The following PIGN variants were observed in gnomAD, a reference collection of about 807,000 sequenced individuals.
PIGN encodes phosphatidylinositol glycan anchor biosynthesis class N.
A neutral mutation model predicts 125.4 loss-of-function variants in PIGN; 117 were observed. The observed-to-expected ratio is 0.93, with a 90% CI of 0.80 to 1.09. PIGN has a LOEUF of 1.09. PIGN is among the 50% of genes least tolerant of loss of function. PIGN has a pLI of 0.00. For missense variants in PIGN, 1,075 were observed against 1,094.9 expected, an observed-to-expected ratio of 0.98 and a Z score of 0.26; for synonymous variants, 392 against 377.8, an observed-to-expected ratio of 1.04 and a Z score of -0.44.
At chr18:62,106,055 T>C (rs2034626304) in intron 19 of PIGN, among the ~76,000 whole-genome samples, 1 of 152,188 alleles carries the variant, frequency 6.6e-6, no homozygotes, top group South Asian at 2.1e-4. Context: ...TTAGACCATA[T>C]ATTGATGAAG....
intron 30 of PIGN, among the ~76,000 whole-genome samples, chr18:62,064,990 G>A (rs2032419357): frequency 6.6e-6 from 1 of 152,156 alleles, no homozygotes; most frequent in Admixed American, 6.5e-5. Context: ...ATTAAAGATT[G>A]CAGAAGGGAT....
chr18:62,140,596 T>C lies in PIGN; in HGVS notation c.964-117A>G, dbSNP rs141705171. 6.4e-3 allele frequency: 3,395 copies of C among 529,634 alleles called. 21 individuals carry two copies. The highest frequency in any genetic ancestry group is 9.2e-3 in the Non-Finnish European group (2,684 of 290,776). The allele number at this position is 529,634 out of a possible 1,614,324, so 32.8% of individuals were successfully genotyped here. A position where few individuals can be genotyped will look rare whatever the true frequency, so the allele number is the denominator to read the frequency against. On this transcript the variant is annotated intron_variant, in intron 11 of 30. Coordinates refer to ENST00000640252, the MANE Select transcript of PIGN (RefSeq NM_176787.5). ...TGATATTTGTTATAATCAGTTACCT[T>C]CAAACATGTATTTAATAAAAAAGAT... is the stretch of plus-strand genomic sequence containing the variant.
At chr18:62,140,328 A>T in intron 12 of PIGN, 92 bp downstream of exon 12, 1 of 582,820 alleles carries the variant, frequency 1.7e-6, no homozygotes, top group Non-Finnish European at 3.0e-6. Context: ...AAAAAAACCC[A>T]GATTATTCAG....
intron 28 of PIGN, chr18:62,075,106 A>C: frequency 3.6e-6 from 1 of 276,632 alleles, no homozygotes; most frequent in Non-Finnish European, 6.9e-6. Flanking sequence ...ATTGTTAACT[A>C]ATATGCAATT....
At chr18:62,180,156 T>C (rs115371720) in intron 1 of PIGN, among the ~76,000 whole-genome samples, 6,678 of 152,278 alleles carry the variant, frequency 0.044, 174 homozygotes, top group Middle Eastern at 0.071. Context: ...CAATTAGCCT[T>C]CTTTCCTTTT....
intron 28 of PIGN, among the ~76,000 whole-genome samples, chr18:62,077,960 T>TAAACACA (rs1490427433): frequency 6.6e-6 from 1 of 152,214 alleles, no homozygotes; most frequent in Non-Finnish European, 1.5e-5. Flanking sequence ...ATCTCTTCTG[T>TAAACACA]GTTTGACTGT....
chr18:62,061,653 C>G (rs1358726401), intron 30 of PIGN, among the ~76,000 whole-genome samples: 2 of 151,870 alleles, frequency 1.3e-5, no homozygotes, highest in African/African-American at 4.8e-5. Flanking sequence ...GAATAAAATT[C>G]GTCATGAAGG....
chr18:62,118,476 C>T (rs1272135377), intron 14 of PIGN: 1 of 152,020 alleles, frequency 6.6e-6, no homozygotes, highest in Non-Finnish European at 1.5e-5. Flanking sequence ...ATCCAAAATT[C>T]TACAAACTGT....
chr18:62,088,311 C>T (rs147027557), intron 25 of PIGN: 3 of 153,428 alleles, frequency 2.0e-5, no homozygotes, highest in African/African-American at 4.8e-5. Flanking sequence ...CACAACATTG[C>T]CTCTGATGTG....
At chr18:62,132,029 CA>C (rs2035759064) in intron 14 of PIGN, among the ~76,000 whole-genome samples, 1 of 151,894 alleles carries the variant, frequency 6.6e-6, no homozygotes. Context: ...GATGCTTATA[CA>C]AAAGGAAAGA....
intron 30 of PIGN, chr18:62,072,414 A>T (rs2032931857): frequency 3.5e-6 from 1 of 289,804 alleles, no homozygotes; most frequent in African/African-American, 2.2e-5. Flanking sequence ...ATTTTTTACT[A>T]TACCTTTTCT....
chr18:62,027,502 G>A (rs944925063), intron 23 of PIGN, among the ~76,000 whole-genome samples: 3 of 152,314 alleles, frequency 2.0e-5, no homozygotes, highest in African/African-American at 4.8e-5. Context: ...GGGACAACGC[G>A]AAGCAAAAGC....
chr18:62,061,837 G>C (rs1401349161), intron 30 of PIGN, among the ~76,000 whole-genome samples: 3 of 152,130 alleles, frequency 2.0e-5, no homozygotes, highest in African/African-American at 7.2e-5. Context: ...CAAACAGAAA[G>C]CAGAAAAAGT....
intron 3 of PIGN, 53 bp from the exon 4 acceptor site, chr18:62,161,438 A>T (rs2036950099): frequency 1.4e-6 from 1 of 724,862 alleles, no homozygotes; most frequent in African/African-American, 1.8e-5. Flanking sequence ...ATTCATATGT[A>T]TTTTCACATA....
rs377523604 is a variant in PIGN at position 62,018,066 on chromosome 18, T to C, written c.2143-325A>G. ...CCTTGAGAGAAGAACAGTCAGAGGC[T>C]TTGGCGATAGCTAAAAGCTCAAAAG... On this transcript the variant is annotated intron_variant, in intron 23 of 24. Transcript: ENST00000639600. Among the ~76,000 whole-genome samples the C allele has an allele frequency of 4.6e-5, 7 of 152,354 alleles. No homozygotes were observed. In the South Asian group the frequency reaches 1.4e-3, roughly 32 times the overall value.
chr18:62,146,510 T>C (rs2036333292), intron 9 of PIGN, among the ~76,000 whole-genome samples: 1 of 152,180 alleles, frequency 6.6e-6, no homozygotes, highest in Non-Finnish European at 1.5e-5. Context: ...CTCAAATCAC[T>C]AGAAATCCAT....
At chr18:62,046,121 T>A in intron 30 of PIGN, 142 bp from the exon 31 acceptor site, 3 of 791,312 alleles carry the variant, frequency 3.8e-6, no homozygotes, top group Non-Finnish European at 6.0e-6. Flanking sequence ...TTATTCCTCC[T>A]GCTAAGTACA....
chr18:62,139,549 T>A lies in PIGN; in HGVS notation c.1024-474A>T, dbSNP rs138738124. On this transcript the variant is annotated intron_variant, in intron 12 of 30. Coordinates refer to ENST00000640252, the MANE Select transcript of PIGN (RefSeq NM_176787.5). Reference sequence around the variant, plus strand: ...CTTAGCATTCTGGGTTAAATAACATTATTTTTTAAGAGTACATTTGATTTC... The same window carrying A: ...CTTAGCATTCTGGGTTAAATAACATAATTTTTTAAGAGTACATTTGATTTC... Among the ~76,000 whole-genome samples the A allele has an allele frequency of 1.5e-3, 235 of 152,362 alleles. 1 individual carries two copies. The highest frequency in any genetic ancestry group is 5.3e-3 in the African/African-American group (219 of 41,592).
At chr18:62,146,092 T>G (rs763111093) in intron 9 of PIGN, 67 bp from the exon 10 acceptor site, 1 of 679,276 alleles carries the variant, frequency 1.5e-6, no homozygotes, top group Non-Finnish European at 2.4e-6. Flanking sequence ...AAATATTTTT[T>G]AAAATAGTTT....
Sources: gnomAD v4.1 joint callset for allele counts (sites outside exome capture counted in the v4.1 genomes callset) on GRCh38, gnomAD v4.1.1 for gene constraint, MANE v1.5 for transcripts, NCBI Gene and HGNC (gene_info 2026-07-23, HGNC 2026-07-21) for gene names.